The following JAKMIP2 variants were observed in gnomAD, a reference collection of about 807,000 sequenced individuals.
JAKMIP2 encodes the protein janus kinase and microtubule interacting protein 2.
JAKMIP2 carries 25 observed loss-of-function variants against 115.0 expected under a neutral mutation model. The ratio of observed to expected loss-of-function variants is 0.22; its 90% CI spans 0.16 to 0.30. The LOEUF is 0.30. JAKMIP2 is among the 10% of genes least tolerant of loss of function. JAKMIP2 has a pLI of 1.00. For synonymous variants in JAKMIP2, 334 were observed against 343.6 expected (o/e 0.97, Z 0.31); for missense variants, 642 against 957.6 (o/e 0.67, Z 4.35).
At chr5:147,781,825 C>T (rs1427283585) in intron 1 of JAKMIP2, among the ~76,000 whole-genome samples, 2 of 152,074 alleles carry the variant, frequency 1.3e-5, no homozygotes, top group Non-Finnish European at 2.9e-5. Flanking sequence ...TTCATAAATG[C>T]AATATAAATG....
chr5:147,721,535 G>A (rs1179916684), intron 1 of JAKMIP2, among the ~76,000 whole-genome samples: 4 of 152,100 alleles, frequency 2.6e-5, no homozygotes, highest in East Asian at 3.9e-4. Flanking sequence ...AGCCAGGTGC[G>A]GGGTATAATC....
rs1580832942 is a variant in JAKMIP2, at chr5:147,721,115, G to A, written c.-148-49161C>T. ...CTGTTGGAGTACCCTGCCATGTGAG[G>A]TGTCAGTGTGCCCCTGCTGGGGGGT... On this transcript the variant is annotated intron_variant, in intron 1 of 21. Coordinates refer to ENST00000616793, the MANE Select transcript of JAKMIP2 (RefSeq NM_001270941.2). Among the ~76,000 whole-genome samples the A allele has an allele frequency of 2.6e-5, 4 of 152,002 alleles. No individual in the cohort carries two copies. The Middle Eastern group carries it at 0.014, about 517-fold the overall frequency.
chr5:147,635,622 C>T (rs907045486), intron 12 of JAKMIP2, among the ~76,000 whole-genome samples: 10 of 152,190 alleles, frequency 6.6e-5, no homozygotes, highest in South Asian at 4.1e-4. Context: ...AGTGCAATTG[C>T]GCAATCTCAG....
chr5:147,684,113 T>C (rs1321840465), intron 1 of JAKMIP2, among the ~76,000 whole-genome samples: 1 of 152,150 alleles, frequency 6.6e-6, no homozygotes, highest in African/African-American at 2.4e-5. Context: ...AGCAAGACCG[T>C]TAGGTTGACT....
chr5:147,647,974 GA>G (rs1758206982), intron 5 of JAKMIP2, among the ~76,000 whole-genome samples: 2 of 152,158 alleles, frequency 1.3e-5, no homozygotes, highest in Non-Finnish European at 2.9e-5. Context: ...GAAAATGAAT[GA>G]ATTCTACATG....
chr5:147,693,377 T>G (rs1294152685), intron 1 of JAKMIP2, among the ~76,000 whole-genome samples: 1 of 152,218 alleles, frequency 6.6e-6, no homozygotes, highest in Non-Finnish European at 1.5e-5. Context: ...CCATACATTT[T>G]CACCATTAAT....
intron 3 of JAKMIP2, among the ~76,000 whole-genome samples, chr5:147,653,918 T>A (rs1201667843): frequency 1.3e-5 from 2 of 152,178 alleles, no homozygotes; most frequent in Non-Finnish European, 2.9e-5. Context: ...CAGTTTCAGT[T>A]TTCTGCATAT....
Position 147,782,571 on chromosome 5 carries a change from T to G in JAKMIP2, c.-264A>C. 9 of 1,136,722 alleles carry G rather than the reference T, an allele frequency of 7.9e-6. No homozygotes were observed. Among genetic ancestry groups the G allele is most frequent in the Non-Finnish European group, 1.1e-5 (9 of 783,930 alleles). 70.4% of individuals were successfully genotyped at this position (1,136,722 alleles called of 1,614,324 possible). ...CCCAACATCAGCAGTGGCTGCCGGT[T>G]TTTTTTTTCCCTCTGTCTCTGGTTG... is the stretch of plus-strand genomic sequence containing the variant. On this transcript the variant is annotated 5_prime_UTR_variant, in exon 1 of 22. Coordinates refer to ENST00000616793, the MANE Select transcript of JAKMIP2 (RefSeq NM_001270941.2).
chr5:147,628,684 C>T, intron 16 of JAKMIP2, 67 bp downstream of exon 16: 3 of 1,186,966 alleles, frequency 2.5e-6, no homozygotes. Context: ...TCCTTCACAC[C>T]CTAGTCTGCT....
At chr5:147,740,670 T>C (rs1383420070) in intron 1 of JAKMIP2, among the ~76,000 whole-genome samples, 1 of 152,220 alleles carries the variant, frequency 6.6e-6, no homozygotes, top group Non-Finnish European at 1.5e-5. Flanking sequence ...CTCATCTTCC[T>C]GGAATCCCCT....
intron 1 of JAKMIP2, among the ~76,000 whole-genome samples, chr5:147,690,584 T>TATATATACAC (rs1491521047): frequency 2.0e-5 from 2 of 98,364 alleles, no homozygotes; most frequent in African/African-American, 6.5e-5. Flanking sequence ...TATATATATA[T>TATATATACAC]GCACATATGC....
chr5:147,781,353 A>C (rs1323154295), intron 1 of JAKMIP2, among the ~76,000 whole-genome samples: 8 of 152,326 alleles, frequency 5.3e-5, no homozygotes, highest in African/African-American at 1.9e-4. Flanking sequence ...TATTAAATAA[A>C]ATGAATACAT....
At chr5:147,668,311 G>C (rs1048804321) in intron 2 of JAKMIP2, among the ~76,000 whole-genome samples, 1 of 152,114 alleles carries the variant, frequency 6.6e-6, no homozygotes, top group Non-Finnish European at 1.5e-5. Flanking sequence ...AAAAGCCCTG[G>C]GGCAGCCCGT....
chr5:147,617,403 G>A (rs937590234), intron 19 of JAKMIP2, among the ~76,000 whole-genome samples: 2 of 152,112 alleles, frequency 1.3e-5, no homozygotes, highest in African/African-American at 4.8e-5. Context: ...ATGAAATGAT[G>A]TAAGTAGAGT....
At chr5:147,757,304 A>G (rs1754781414) in intron 1 of JAKMIP2, among the ~76,000 whole-genome samples, 1 of 152,168 alleles carries the variant, frequency 6.6e-6, no homozygotes, top group Admixed American at 6.6e-5. Flanking sequence ...AACCCTTCAC[A>G]GGTGAAGTCA....
intron 2 of JAKMIP2, among the ~76,000 whole-genome samples, chr5:147,667,732 C>A (rs1220078204): frequency 1.3e-5 from 2 of 152,152 alleles, no homozygotes; most frequent in Non-Finnish European, 2.9e-5. Context: ...TTTAAAATTT[C>A]TTGTTTTCAG....
intron 1 of JAKMIP2, among the ~76,000 whole-genome samples, chr5:147,734,564 T>C (rs891605277): frequency 6.6e-6 from 1 of 151,264 alleles, no homozygotes. Context: ...GACGGGTTGA[T>C]GGGTGCAGCA....
chr5:147,763,578 C>T (rs1049963702), intron 1 of JAKMIP2, among the ~76,000 whole-genome samples: 1 of 152,054 alleles, frequency 6.6e-6, no homozygotes, highest in Non-Finnish European at 1.5e-5. Context: ...TGCATTTTGT[C>T]TCTGGAGACT....
At chr5:147,637,155 TTTC>T in intron 10 of JAKMIP2, 107 bp from the exon 11 acceptor site, 1 of 722,056 alleles carries the variant, frequency 1.4e-6, no homozygotes, top group East Asian at 2.5e-5. Context: ...AAAGAAGAAT[TTTC>T]TATGACAAAA....
Sources: allele counts gnomAD v4.1 joint callset (sites outside exome capture counted in the v4.1 genomes callset), GRCh38; gene constraint gnomAD v4.1.1; transcripts MANE v1.5; gene names NCBI Gene and HGNC (gene_info 2026-07-23, HGNC 2026-07-21).